CLEC16A: variants seen among roughly 807,000 people sequenced by gnomAD.
CLEC16A encodes C-type lectin domain containing 16A.
A neutral mutation model predicts 109.5 loss-of-function variants in CLEC16A; 51 were observed. That is an observed-to-expected ratio of 0.47 (90% CI 0.37 to 0.59). CLEC16A has a LOEUF of 0.59. Ranked by LOEUF, CLEC16A falls within the 20% of genes least tolerant of loss-of-function variation. The pLI is 0.00. For synonymous variants in CLEC16A, 673 were observed against 564.2 expected (o/e 1.19, Z -2.73); for missense variants, 1,339 against 1,394.0 (o/e 0.96, Z 0.63).
chr16:10,995,452 A>G lies in CLEC16A; in HGVS notation c.1072-7622A>G, dbSNP rs1421042747. ...ATGTTGGGGAGGCTGAGTCTAGCCC[A>G]CTAACAAAGCAGAAGGCCAGCGAGC... On this transcript the variant is annotated intron_variant, in intron 10 of 23. Coordinates refer to ENST00000409790, the MANE Select transcript of CLEC16A (RefSeq NM_015226.3). Among the ~76,000 whole-genome samples, 5 of 152,226 alleles carry G rather than the reference A, an allele frequency of 3.3e-5. No individual in the cohort carries two copies. The East Asian group carries it at 9.6e-4, about 29-fold the overall frequency.
At chr16:11,119,934 G>A (rs1597449593) in intron 19 of CLEC16A, among the ~76,000 whole-genome samples, 2 of 148,732 alleles carry the variant, frequency 1.3e-5, no homozygotes, top group African/African-American at 2.5e-5. Context: ...TTCTTGGATT[G>A]CTGATTGTTT....
At chr16:10,998,812 C>T (rs898625346) in intron 10 of CLEC16A, among the ~76,000 whole-genome samples, 4 of 152,004 alleles carry the variant, frequency 2.6e-5, no homozygotes, top group African/African-American at 9.7e-5. Flanking sequence ...AGCACAGTGG[C>T]GAGAGGAGGG....
intron 23 of CLEC16A, among the ~76,000 whole-genome samples, chr16:11,167,377 G>T (rs2068311961): frequency 6.6e-6 from 1 of 152,138 alleles, no homozygotes; most frequent in Non-Finnish European, 1.5e-5. Flanking sequence ...ATCCTTCACT[G>T]TTCCTGCAAG....
rs866750757 is a variant in CLEC16A at position 11,156,649 on chromosome 16, G to T, written c.2642-9739G>T. On this transcript the variant is annotated intron_variant, in intron 22 of 23. Transcript: ENST00000409790. ...TTGCTAGTGCCTTGGCTGACAGACT[G>T]TTGTGGAGGTCTTTGCTTGCTAATT... The T allele has an allele frequency of 3.5e-5, 46 of 1,304,304 alleles. No individual in the cohort carries two copies. The Middle Eastern group carries it at 1.7e-3, about 48-fold the overall frequency. The allele number at this position is 1,304,304 out of a possible 1,614,324, so 80.8% of individuals were successfully genotyped here.
At chr16:11,072,156 C>G (rs577669918) in intron 19 of CLEC16A, among the ~76,000 whole-genome samples, 1 of 152,082 alleles carries the variant, frequency 6.6e-6, no homozygotes, top group Admixed American at 6.6e-5. Flanking sequence ...GGATCTCGTT[C>G]TGTCCCCCAG....
chr16:11,044,981 T>C (rs534572865), intron 16 of CLEC16A, among the ~76,000 whole-genome samples: 101 of 150,274 alleles, frequency 6.7e-4, no homozygotes, highest in African/African-American at 2.4e-3. Flanking sequence ...TTTTAAGGCA[T>C]ATGTTTTAGT....
chr16:11,019,977 G>A (rs904112942), intron 11 of CLEC16A, among the ~76,000 whole-genome samples: 5 of 152,214 alleles, frequency 3.3e-5, no homozygotes, highest in South Asian at 2.1e-4. Flanking sequence ...ACAGGAACAC[G>A]TTTCTTGGTG....
chr16:11,082,233 C>T (rs75865186), intron 19 of CLEC16A, among the ~76,000 whole-genome samples: 4,118 of 152,292 alleles, frequency 0.027, 182 homozygotes, highest in African/African-American at 0.094. Context: ...CACCTGTACA[C>T]GTGGGAAATC....
intron 1 of CLEC16A, among the ~76,000 whole-genome samples, chr16:10,956,955 C>T (rs1225456436): frequency 6.6e-6 from 1 of 152,130 alleles, no homozygotes; most frequent in African/African-American, 2.4e-5. Context: ...CGCCACCACA[C>T]CCAGCTAATG....
At chr16:11,039,352 T>C (rs569508634) in intron 13 of CLEC16A, among the ~76,000 whole-genome samples, 13 of 152,354 alleles carry the variant, frequency 8.5e-5, no homozygotes, top group African/African-American at 2.4e-4. Context: ...AATTATTGCA[T>C]CAATCCTGAT....
At chr16:10,955,549 A>G (rs1471670311) in intron 1 of CLEC16A, among the ~76,000 whole-genome samples, 3 of 152,168 alleles carry the variant, frequency 2.0e-5, no homozygotes, top group African/African-American at 7.2e-5. Flanking sequence ...TGAAATGTAA[A>G]AGTTTGCTGG....
chr16:11,002,102 C>T (rs2044702895), intron 10 of CLEC16A, among the ~76,000 whole-genome samples: 1 of 152,158 alleles, frequency 6.6e-6, no homozygotes, highest in African/African-American at 2.4e-5. Context: ...TTTTGAATCC[C>T]GGCTCTGCCA....
chr16:11,050,049 AAAG>A (rs1402078924), intron 17 of CLEC16A, among the ~76,000 whole-genome samples: 30 of 152,236 alleles, frequency 2.0e-4, no homozygotes, highest in Admixed American at 9.8e-4. Flanking sequence ...TTTATAAAAA[AAAG>A]AAATTTCTTA....
intron 22 of CLEC16A, among the ~76,000 whole-genome samples, chr16:11,139,554 C>G (rs973784207): frequency 9.2e-5 from 14 of 152,212 alleles, no homozygotes; most frequent in African/African-American, 3.1e-4. Context: ...ACACAGCCTG[C>G]TTGCTGAAGC....
intron 1 of CLEC16A, among the ~76,000 whole-genome samples, chr16:10,947,935 C>A (rs528980689): frequency 2.6e-5 from 4 of 152,172 alleles, no homozygotes; most frequent in African/African-American, 9.6e-5. Flanking sequence ...GCTCTGTTGC[C>A]CAGGCTGGAG....
At chr16:11,018,748 C>CAAAAAAAAAAAAAAAA (rs56911220) in intron 11 of CLEC16A, among the ~76,000 whole-genome samples, 45 of 96,238 alleles carry the variant, frequency 4.7e-4, no homozygotes, top group African/African-American at 1.7e-3. Context: ...GACTCCATCT[C>CAAAAAAAAAAAAAAAA]AAAAAAAAAA....
At chr16:11,068,784 T>C (rs1243097303) in intron 19 of CLEC16A, among the ~76,000 whole-genome samples, 1 of 152,180 alleles carries the variant, frequency 6.6e-6, no homozygotes. Flanking sequence ...CAACCACAGA[T>C]TGAAAACATT....
At chr16:11,068,487 G>C (rs772532843) in intron 19 of CLEC16A, among the ~76,000 whole-genome samples, 1 of 152,206 alleles carries the variant, frequency 6.6e-6, no homozygotes, top group Non-Finnish European at 1.5e-5. Context: ...CCTTCTCCCA[G>C]CTGCTAGAGT....
intron 2 of CLEC16A, among the ~76,000 whole-genome samples, chr16:10,959,998 A>G (rs1698358254): frequency 1.3e-5 from 2 of 152,198 alleles, no homozygotes; most frequent in East Asian, 1.9e-4. Flanking sequence ...TAGGGTCTCC[A>G]TGATTCTTAA....
Sources: gnomAD v4.1 joint callset for allele counts (sites outside exome capture counted in the v4.1 genomes callset) on GRCh38, gnomAD v4.1.1 for gene constraint, MANE v1.5 for transcripts, NCBI Gene and HGNC (gene_info 2026-07-23, HGNC 2026-07-21) for gene names.